The following SCHIP1 variants were observed in gnomAD, a reference collection of about 807,000 sequenced individuals.
The protein encoded by SCHIP1 is schwannomin interacting protein 1, also known as schwannomin-interacting protein 1.
Under a neutral mutation model 29.7 loss-of-function variants are expected in SCHIP1, and 8 were observed. That is an observed-to-expected ratio of 0.27 (90% CI 0.16 to 0.49). SCHIP1 has a LOEUF of 0.49. Ranked by LOEUF, SCHIP1 falls within the 20% of genes least tolerant of loss-of-function variation. The probability of loss-of-function intolerance (pLI) is 0.99; values close to 1 mark genes in which losing one functional copy is unlikely to be tolerated. For missense variants in SCHIP1, 193 were observed against 294.6 expected, an observed-to-expected ratio of 0.66 and a Z score of 2.52; for synonymous variants, 76 against 94.9, an observed-to-expected ratio of 0.80 and a Z score of 1.16.
At chr3:159,851,108 T>G (rs1473996673) in intron 1 of SCHIP1, among the ~76,000 whole-genome samples, 1 of 151,944 alleles carries the variant, frequency 6.6e-6, no homozygotes, top group Non-Finnish European at 1.5e-5. Flanking sequence ...ATCCCATCCC[T>G]ACAAAAAATT....
At chr3:159,698,848 G>C in the SCHIP1 span, among the ~76,000 whole-genome samples, 2 of 152,072 alleles carry the variant, frequency 1.3e-5, no homozygotes, top group East Asian at 3.9e-4. Context: ...GTTGCTCCAT[G>C]TTGGCCAGGC....
the SCHIP1 span, among the ~76,000 whole-genome samples, chr3:159,578,253 A>AAAATGTGG: frequency 6.6e-6 from 1 of 152,232 alleles, no homozygotes; most frequent in Non-Finnish European, 1.5e-5. Context: ...TTGTACACTC[A>AAAATGTGG]AAATGTGGCT....
chr3:159,856,704 C>T (rs1349621318), intron 1 of SCHIP1, among the ~76,000 whole-genome samples: 1 of 152,140 alleles, frequency 6.6e-6, no homozygotes, highest in African/African-American at 2.4e-5. Flanking sequence ...TCAGGGGTGC[C>T]GTCTCTAGTG....
the SCHIP1 span, among the ~76,000 whole-genome samples, chr3:159,616,960 C>T: frequency 5.3e-5 from 8 of 152,240 alleles, no homozygotes; most frequent in Admixed American, 2.0e-4. Flanking sequence ...ATATTGCAAG[C>T]GCTCAATGCC....
the SCHIP1 span, among the ~76,000 whole-genome samples, chr3:159,618,334 G>A: frequency 2.0e-5 from 3 of 152,178 alleles, no homozygotes; most frequent in African/African-American, 7.2e-5. Context: ...TAAAGAAGCT[G>A]GGTAGGTATA....
chr3:159,698,136 T>C, the SCHIP1 span, among the ~76,000 whole-genome samples: 9 of 152,264 alleles, frequency 5.9e-5, no homozygotes, highest in African/African-American at 1.9e-4. Context: ...TTGTGTATTA[T>C]CATGGTAATT....
the SCHIP1 span, among the ~76,000 whole-genome samples, chr3:159,554,060 C>T: frequency 5.6e-5 from 8 of 143,726 alleles, no homozygotes; most frequent in Non-Finnish European, 9.1e-5. Context: ...TTAGTAGAGA[C>T]GGGGTGCCAC....
the SCHIP1 span, among the ~76,000 whole-genome samples, chr3:159,586,842 G>C: frequency 6.6e-6 from 1 of 152,124 alleles, no homozygotes; most frequent in Non-Finnish European, 1.5e-5. Context: ...TACTTTAGCA[G>C]CTCTTGTCAA....
At chr3:159,887,972 C>A in intron 4 of SCHIP1, 67 bp downstream of exon 5, 1 of 1,575,200 alleles carries the variant, frequency 6.3e-7, no homozygotes, top group South Asian at 1.1e-5. Flanking sequence ...CTGTCCCAGT[C>A]CTTTCCCAGA....
the SCHIP1 span, among the ~76,000 whole-genome samples, chr3:159,726,545 T>A: frequency 1.3e-5 from 2 of 152,200 alleles, no homozygotes; most frequent in Non-Finnish European, 1.5e-5. Context: ...GAAATAAAAA[T>A]CCTACCACTT....
At chr3:159,328,850 A>G in the SCHIP1 span, among the ~76,000 whole-genome samples, 1 of 152,184 alleles carries the variant, frequency 6.6e-6, no homozygotes, top group African/African-American at 2.4e-5. Flanking sequence ...TTCCAATGGG[A>G]TGCACTGCAC....
the SCHIP1 span, among the ~76,000 whole-genome samples, chr3:159,574,014 T>A: frequency 6.6e-6 from 1 of 152,234 alleles, no homozygotes; most frequent in South Asian, 2.1e-4. Context: ...ATTCATCTAA[T>A]CTTTTTTCAA....
the SCHIP1 span, among the ~76,000 whole-genome samples, chr3:159,833,929 C>A: frequency 6.6e-6 from 1 of 152,166 alleles, no homozygotes; most frequent in South Asian, 2.1e-4. Flanking sequence ...TGCCTAAGTG[C>A]CATCAGTTCC....
the SCHIP1 span, among the ~76,000 whole-genome samples, chr3:159,592,302 G>A: frequency 2.6e-4 from 39 of 152,036 alleles, no homozygotes; most frequent in African/African-American, 8.7e-4. Context: ...GCTTTATTGG[G>A]GAAAGTACCT....
At chr3:159,578,675 T>C in the SCHIP1 span, among the ~76,000 whole-genome samples, 34 of 152,320 alleles carry the variant, frequency 2.2e-4, no homozygotes, top group Admixed American at 1.8e-3. Context: ...CTTTATTCTT[T>C]GGCTATGGCC....
the SCHIP1 span, among the ~76,000 whole-genome samples, chr3:159,431,163 G>A: frequency 6.6e-6 from 1 of 151,124 alleles, no homozygotes; most frequent in African/African-American, 2.4e-5. Flanking sequence ...AACACAAAGA[G>A]GTGGAACCAC....
chr3:159,653,424 C>A, the SCHIP1 span, among the ~76,000 whole-genome samples: 2 of 152,074 alleles, frequency 1.3e-5, no homozygotes, highest in African/African-American at 4.8e-5. Context: ...ATAATGAGTT[C>A]ATGTCCTTTG....
At chr3:159,514,434 A>G in the SCHIP1 span, among the ~76,000 whole-genome samples, 1 of 152,236 alleles carries the variant, frequency 6.6e-6, no homozygotes, top group African/African-American at 2.4e-5. Context: ...AGTTCCATGC[A>G]TACATGGTTT....
At chr3:159,393,096 C>A in the SCHIP1 span, among the ~76,000 whole-genome samples, 4 of 152,338 alleles carry the variant, frequency 2.6e-5, no homozygotes, top group Admixed American at 2.0e-4. Context: ...TGTCTTTTGG[C>A]TGCATAAATG....
Sources: gnomAD v4.1 joint callset for allele counts (sites outside exome capture counted in the v4.1 genomes callset) on GRCh38, gnomAD v4.1.1 for gene constraint, MANE v1.5 for transcripts, NCBI Gene and HGNC (gene_info 2026-07-23, HGNC 2026-07-21) for gene names.